The following ENOX1 variants were observed in gnomAD, a reference collection of about 807,000 sequenced individuals.
ENOX1 encodes the protein candidate growth-related and time keeping constitutive hydroquinone (NADH) oxidase.
ENOX1 carries 42 observed loss-of-function variants against 82.5 expected under a neutral mutation model. The observed-to-expected ratio is 0.51, with a 90% CI of 0.40 to 0.66. ENOX1 has a LOEUF of 0.66. Among genes scored for constraint, ENOX1 ranks in the 30% least tolerant of loss-of-function variants. ENOX1 has a pLI of 0.00. For missense variants in ENOX1, 608 were observed against 811.6 expected (o/e 0.75, Z 3.05); for synonymous variants, 271 against 282.2 (o/e 0.96, Z 0.40).
chr13:43,368,025 A>G (rs1170868067), intron 5 of ENOX1, among the ~76,000 whole-genome samples: 1 of 152,248 alleles, frequency 6.6e-6, no homozygotes, highest in African/African-American at 2.4e-5. Flanking sequence ...CAAATTAACC[A>G]CACAGATTAT....
At chr13:43,637,651 G>C (rs1250861110) in intron 2 of ENOX1, among the ~76,000 whole-genome samples, 6 of 151,972 alleles carry the variant, frequency 3.9e-5, no homozygotes, top group African/African-American at 1.2e-4. Context: ...AAGAATTCAA[G>C]ACTTAAAGAA....
At chr13:43,400,868 C>T (rs1277043105) in intron 5 of ENOX1, among the ~76,000 whole-genome samples, 4 of 152,102 alleles carry the variant, frequency 2.6e-5, no homozygotes, top group African/African-American at 9.7e-5. Flanking sequence ...AGGCAAAAAA[C>T]GTAGGAGACT....
intron 1 of ENOX1, among the ~76,000 whole-genome samples, chr13:43,695,834 G>A (rs634666): frequency 0.92 from 139,598 of 152,190 alleles, 64,311 homozygotes; most frequent in East Asian, 1. Flanking sequence ...TTAAGTGTAC[G>A]GTTCAGTGAT....
At chr13:43,546,332 T>C (rs2078971952) in intron 2 of ENOX1, 1 of 152,220 alleles carries the variant, frequency 6.6e-6, no homozygotes. Flanking sequence ...CCAAGCCCTA[T>C]CAAGAGCATC....
intron 5 of ENOX1, among the ~76,000 whole-genome samples, chr13:43,364,076 G>GA (rs1021095709): frequency 1.3e-4 from 20 of 149,624 alleles, no homozygotes; most frequent in African/African-American, 4.4e-4. Flanking sequence ...TAGACTTTAA[G>GA]AAAAAAAAAG....
chr13:43,537,900 G>A (rs2078534646), intron 2 of ENOX1, among the ~76,000 whole-genome samples: 1 of 152,196 alleles, frequency 6.6e-6, no homozygotes, highest in Non-Finnish European at 1.5e-5. Flanking sequence ...CTTCTACCCG[G>A]GAGGAACACT....
intron 3 of ENOX1, among the ~76,000 whole-genome samples, chr13:43,461,054 T>G (rs920761867): frequency 6.6e-6 from 1 of 152,206 alleles, no homozygotes; most frequent in African/African-American, 2.4e-5. Context: ...TTCTCAATTC[T>G]GGTTTCTTAC....
intron 8 of ENOX1, among the ~76,000 whole-genome samples, chr13:43,354,356 A>C (rs2050006077): frequency 6.6e-6 from 1 of 152,234 alleles, no homozygotes; most frequent in African/African-American, 2.4e-5. Flanking sequence ...AGCATCAGCA[A>C]GAAGCATTCC....
In ENOX1 at chr13:43,718,143, G is replaced by A. The variant is rs541101122; in HGVS notation, c.-284-50599C>T. Among the ~76,000 whole-genome samples, 196 of 152,210 alleles carry A rather than the reference G, an allele frequency of 1.3e-3. 1 individual carries two copies. The highest frequency in any genetic ancestry group is 2.1e-3 in the Non-Finnish European group (141 of 67,988). ...TGTGGACTCAATTTAGTTGCCCTTC[G>A]ACAGTGGTTTGGATAAAGACAAGGT... On this transcript the variant is annotated intron_variant, in intron 1 of 16. Transcript: ENST00000690772.
rs890669791 is a variant in ENOX1, at chr13:43,285,430, T to C, written c.1446+12916A>G. Among the ~76,000 whole-genome samples the C allele has an allele frequency of 2.0e-5, 3 of 152,328 alleles. No homozygotes were observed. The South Asian group carries it at 6.2e-4, about 32-fold the overall frequency. On this transcript the variant is annotated intron_variant, in intron 12 of 16. Coordinates refer to ENST00000690772, the MANE Select transcript of ENOX1 (RefSeq NM_001347969.2). ...CTTTTATGTTTCCAAGTTTTGTGCATTGAGCATAAATTCTTTTGTAAAATG... is the reference window on the plus strand; with the variant it reads ...CTTTTATGTTTCCAAGTTTTGTGCACTGAGCATAAATTCTTTTGTAAAATG...
chr13:43,468,085 A>T (rs1330114156), intron 3 of ENOX1, among the ~76,000 whole-genome samples: 2 of 152,154 alleles, frequency 1.3e-5, no homozygotes, highest in African/African-American at 4.8e-5. Flanking sequence ...TAAGTTTTGA[A>T]ATTGGGAGCT....
chr13:43,267,193 T>C (rs1481620240), intron 13 of ENOX1, among the ~76,000 whole-genome samples: 1 of 152,190 alleles, frequency 6.6e-6, no homozygotes, highest in Admixed American at 6.5e-5. Flanking sequence ...CTGCTCCCTG[T>C]TCTTCTCTCC....
At chr13:43,548,110 T>C (rs2153697971) in intron 2 of ENOX1, 1 of 152,322 alleles carries the variant, frequency 6.6e-6, no homozygotes, top group Admixed American at 6.5e-5. Context: ...TGCTCTAAAA[T>C]AATAGTTTTA....
chr13:43,467,767 C>T (rs918033230), intron 3 of ENOX1, among the ~76,000 whole-genome samples: 2 of 152,032 alleles, frequency 1.3e-5, no homozygotes, highest in Admixed American at 1.3e-4. Flanking sequence ...ACCTATGTTT[C>T]CTTATAAGAA....
At chr13:43,222,801 T>C (rs531106618) in intron 16 of ENOX1, among the ~76,000 whole-genome samples, 3 of 152,228 alleles carry the variant, frequency 2.0e-5, no homozygotes, top group Non-Finnish European at 4.4e-5. Flanking sequence ...AGGAACATTG[T>C]GCAGCAAGTC....
intron 16 of ENOX1, among the ~76,000 whole-genome samples, chr13:43,216,130 G>A (rs1345631741): frequency 5.9e-5 from 9 of 152,140 alleles, no homozygotes; most frequent in African/African-American, 2.2e-4. Context: ...CCTGGGAGGC[G>A]GAGGTTGCAG....
chr13:43,568,664 T>C (rs2080027240), intron 2 of ENOX1, among the ~76,000 whole-genome samples: 1 of 143,342 alleles, frequency 7.0e-6, no homozygotes, highest in Non-Finnish European at 1.5e-5. Context: ...TTCTTTTATC[T>C]AGAGCGGGTC....
At chr13:43,562,149 C>A (rs1372292039) in intron 2 of ENOX1, among the ~76,000 whole-genome samples, 4 of 151,842 alleles carry the variant, frequency 2.6e-5, no homozygotes. Context: ...TGAACCAATG[C>A]AAAATAATAG....
chr13:43,542,047 C>T (rs994927566), intron 2 of ENOX1, among the ~76,000 whole-genome samples: 1 of 152,156 alleles, frequency 6.6e-6, no homozygotes, highest in Non-Finnish European at 1.5e-5. Context: ...ATCTGCAGAA[C>T]GTCAATAACA....
Sources: allele counts gnomAD v4.1 joint callset (sites outside exome capture counted in the v4.1 genomes callset), GRCh38; gene constraint gnomAD v4.1.1; transcripts MANE v1.5; gene names NCBI Gene and HGNC (gene_info 2026-07-23, HGNC 2026-07-21).